The following SLCO1A2 variants were observed in gnomAD, a reference collection of about 807,000 sequenced individuals.
The protein encoded by SLCO1A2 is OATP-1.
SLCO1A2 carries 67 observed loss-of-function variants against 69.0 expected under a neutral mutation model. The observed-to-expected ratio is 0.97, with a 90% CI of 0.80 to 1.19. SLCO1A2 has a LOEUF of 1.19. Among genes scored for constraint, SLCO1A2 ranks in the 50% most tolerant of loss-of-function variants. SLCO1A2 has a pLI of 0.00. For missense variants in SLCO1A2, 787 were observed against 793.7 expected (o/e 0.99, Z 0.10); for synonymous variants, 260 against 265.9 (o/e 0.98, Z 0.22).
rs73065855 is a variant in SLCO1A2 at position 21,401,387 on chromosome 12, A to G, written c.-312+16495T>C. Among the ~76,000 whole-genome samples the G allele has an allele frequency of 7.3e-3, 1,113 of 151,940 alleles. 4 individuals carry two copies. Among genetic ancestry groups the G allele is most frequent in the Non-Finnish European group, 0.013 (880 of 67,880 alleles). On this transcript the variant is annotated intron_variant, in intron 1 of 4. Coordinates refer to the SLCO1A2 transcript ENST00000413682. The stretch of plus-strand genomic sequence containing the variant: ...AATCGAACAATAAAGTACCCCAGAA[A>G]ACTTTAACAAAAATGTGCAACTGTA...
intron 1 of SLCO1A2, among the ~76,000 whole-genome samples, chr12:21,384,805 A>C (rs1203242884): frequency 6.9e-6 from 1 of 145,220 alleles, no homozygotes; most frequent in Non-Finnish European, 1.5e-5. Flanking sequence ...TCGTTCTGTC[A>C]CTCAGGCTGG....
chr12:21,341,493 G>C (rs1218352888), intron 2 of SLCO1A2, among the ~76,000 whole-genome samples: 1 of 152,008 alleles, frequency 6.6e-6, no homozygotes, highest in Non-Finnish European at 1.5e-5. Context: ...CTGTGTTCTT[G>C]ACTACTTCAG....
Position 21,301,267 on chromosome 12 carries a change from G to A in SLCO1A2, c.592C>T (p.Leu198Phe). The A allele has an allele frequency of 6.2e-7, 1 of 1,605,598 alleles. No homozygotes were observed. Among genetic ancestry groups the A allele is most frequent in the African/African-American group, 1.3e-5 (1 of 74,792 alleles). The change falls in exon 7 of 15, where the codon CTT becomes TTT. Residue 198 changes from leucine to phenylalanine, a missense_variant and splice_region_variant. Coordinates refer to ENST00000683939, the MANE Select transcript of SLCO1A2 (RefSeq NM_001386879.1). Reference protein sequence around the residue: ...KFENSPLYIGLVETGAIIGPL... With the variant: ...KFENSPLYIGFVETGAIIGPL... Reference sequence around the variant, plus strand: ...CCAATAATAGCTCCTGTTTCTACAAGCCCTAAAAATAAATAAAAGTATAAG... The same window carrying A: ...CCAATAATAGCTCCTGTTTCTACAAACCCTAAAAATAAATAAAAGTATAAG...
At position 21,268,589 on chromosome 12, in the gene SLCO1A2, A is replaced by G. The variant is rs902266196; in HGVS notation, c.*959T>C. ...ACAAAATAATAATATAAGTAGATTT[A>G]GCTTTTAATATGTACCTTAGCCTTT... On this transcript the variant is annotated 3_prime_UTR_variant, in exon 15 of 15. Transcript: ENST00000683939. 6.6e-6 allele frequency: 1 copy of G among 152,126 alleles called. No individual in the cohort carries two copies. Among genetic ancestry groups the G allele is most frequent in the African/African-American group, 2.4e-5 (1 of 41,442 alleles). 9.4% of individuals were successfully genotyped at this position (152,126 alleles called of 1,614,324 possible). A position where few individuals can be genotyped will look rare whatever the true frequency, so the allele number is the denominator to read the frequency against.
upstream of SLCO1A2, among the ~76,000 whole-genome samples, chr12:21,395,628 A>T (rs1313300634): frequency 6.6e-6 from 1 of 152,228 alleles, no homozygotes; most frequent in Non-Finnish European, 1.5e-5. Context: ...TCCCTGTCTG[A>T]CAGCTTTGAA....
chr12:21,289,346 G>A (rs1008583583), intron 12 of SLCO1A2, among the ~76,000 whole-genome samples: 1 of 152,054 alleles, frequency 6.6e-6, no homozygotes, highest in African/African-American at 2.4e-5. Context: ...TTCTTAAGGA[G>A]ATTGTTTTGA....
At position 21,269,733 on chromosome 12, in the gene SLCO1A2, C is replaced by G; in HGVS notation, c.1828G>C (p.Gly610Arg). The change falls in exon 15 of 15, where the codon GGA becomes CGA. Residue 610 changes from glycine to arginine, a missense_variant. Gly to Arg is a moderately radical substitution (Grantham distance 125). Coordinates refer to ENST00000683939, the MANE Select transcript of SLCO1A2 (RefSeq NM_001386879.1). ...ATTAAGGCTGGAACAAAGCTTGATC[C>G]TCTTAGTGCTGCCGGCAATCCGAGG... ...IYLGLPAALR[G>R]SSFVPALIIL... 6.2e-7 allele frequency: 1 copy of G among 1,611,702 alleles called. No homozygotes were observed. Among genetic ancestry groups the G allele is most frequent in the South Asian group, 1.1e-5 (1 of 90,836 alleles).
intron 2 of SLCO1A2, among the ~76,000 whole-genome samples, chr12:21,332,828 A>C (rs1591855522): frequency 6.6e-6 from 1 of 152,062 alleles, no homozygotes; most frequent in Non-Finnish European, 1.5e-5. Context: ...TACTGCCATC[A>C]CCTTAGAAAT....
intron 14 of SLCO1A2, among the ~76,000 whole-genome samples, chr12:21,271,730 GCATATGTATATTTA>G (rs1320146680): frequency 2.7e-5 from 4 of 146,596 alleles, no homozygotes; most frequent in Admixed American, 6.9e-5. Context: ...AATATATGTT[GCATATGTATATTTA>G]CATATGTAAT....
At chr12:21,361,097 T>A (rs528918417) in intron 2 of SLCO1A2, among the ~76,000 whole-genome samples, 10 of 152,114 alleles carry the variant, frequency 6.6e-5, no homozygotes, top group Admixed American at 6.5e-4. Flanking sequence ...CTCAAGTGGG[T>A]CCCTGACCCC....
intron 2 of SLCO1A2, among the ~76,000 whole-genome samples, chr12:21,333,403 AT>A (rs2136953690): frequency 6.6e-6 from 1 of 152,240 alleles, no homozygotes; most frequent in African/African-American, 2.4e-5. Flanking sequence ...CTTTCAACTT[AT>A]TTCAACAACA....
In SLCO1A2 at chr12:21,265,542, A is replaced by G. The variant is rs749713322; in HGVS notation, c.*4006T>C. The G allele has an allele frequency of 6.6e-6, 1 of 152,214 alleles. No individual in the cohort carries two copies. Among genetic ancestry groups the G allele is most frequent in the Non-Finnish European group, 1.5e-5 (1 of 68,084 alleles). The allele number at this position is 152,214 out of a possible 1,614,324, so 9.4% of individuals were successfully genotyped here. On this transcript the variant is annotated 3_prime_UTR_variant, in exon 15 of 15. Transcript: ENST00000683939. ...CTTGATGCTCAAGTTTGTTCCTCCAACCTAGAAACTTTTAAACACTGGTGT... is the reference window on the plus strand; with the variant it reads ...CTTGATGCTCAAGTTTGTTCCTCCAGCCTAGAAACTTTTAAACACTGGTGT...
At position 21,271,652 on chromosome 12, in the gene SLCO1A2, C is replaced by T. The variant is rs148055734; in HGVS notation, c.1794-1885G>A. Among the ~76,000 whole-genome samples the T allele has an allele frequency of 2.9e-4, 43 of 146,138 alleles. No individual in the cohort carries two copies. The East Asian group carries it at 7.5e-3, about 25-fold the overall frequency. On this transcript the variant is annotated intron_variant, in intron 14 of 14. Transcript: ENST00000683939. ...GTATAAATATATACATCTTTATATACATATGTGTATATAAACATATATACC... is the reference window on the plus strand; with the variant it reads ...GTATAAATATATACATCTTTATATATATATGTGTATATAAACATATATACC...
At chr12:21,360,432 G>C (rs1012944181) in intron 2 of SLCO1A2, among the ~76,000 whole-genome samples, 1 of 152,186 alleles carries the variant, frequency 6.6e-6, no homozygotes, top group Non-Finnish European at 1.5e-5. Context: ...ATCAGAGGGT[G>C]GCACCAAGAT....
intron 4 of SLCO1A2, among the ~76,000 whole-genome samples, chr12:21,308,482 TA>T (rs1949708104): frequency 6.6e-6 from 1 of 152,206 alleles, no homozygotes; most frequent in Non-Finnish European, 1.5e-5. Context: ...CATTTTGGTT[TA>T]AAGTTTGTTT....
At chr12:21,363,216 A>C (rs1005927455) in intron 2 of SLCO1A2, among the ~76,000 whole-genome samples, 128 of 152,316 alleles carry the variant, frequency 8.4e-4, no homozygotes, top group African/African-American at 2.8e-3. Flanking sequence ...CAGTGCAATC[A>C]AACTAGAACT....
chr12:21,282,492 G>A (rs936406213), intron 12 of SLCO1A2, among the ~76,000 whole-genome samples: 2 of 152,022 alleles, frequency 1.3e-5, no homozygotes, highest in African/African-American at 4.8e-5. Flanking sequence ...CATACTGAGT[G>A]GGGAAAAACT....
chr12:21,300,408 T>C lies in SLCO1A2; in HGVS notation c.850A>G (p.Asn284Asp), dbSNP rs749926732. Reference sequence around the variant, plus strand: ...TCTTTTTGTTTGTCTTCATTTTCATTTTTAATGATGTCAGCATTAGTCTCT... The same window carrying C: ...TCTTTTTGTTTGTCTTCATTTTCATCTTTAATGATGTCAGCATTAGTCTCT... ...GLETNADIIK[N>D]ENEDKQKEEV... Residue 284 changes from asparagine (N) to aspartate (D), a missense_variant, in exon 8 of 15, where the codon AAT becomes GAT. Coordinates refer to ENST00000683939, the MANE Select transcript of SLCO1A2 (RefSeq NM_001386879.1). 1 of 1,613,592 alleles carries C rather than the reference T, an allele frequency of 6.2e-7. No individual in the cohort carries two copies. Among genetic ancestry groups the C allele is most frequent in the East Asian group, 2.2e-5 (1 of 44,842 alleles).
chr12:21,307,339 ATAAT>A (rs781077784), intron 4 of SLCO1A2, among the ~76,000 whole-genome samples: 11 of 152,206 alleles, frequency 7.2e-5, no homozygotes, highest in Non-Finnish European at 1.3e-4. Context: ...TCAATAATGC[ATAAT>A]TAAGAAGATA....
Sources: allele counts gnomAD v4.1 joint callset (sites outside exome capture counted in the v4.1 genomes callset), GRCh38; gene constraint gnomAD v4.1.1; transcripts MANE v1.5; gene names NCBI Gene and HGNC (gene_info 2026-07-23, HGNC 2026-07-21).